MMD2: variants seen among roughly 807,000 people sequenced by gnomAD.
MMD2 encodes the protein monocyte to macrophage differentiation factor 2.
MMD2 carries 30 observed loss-of-function variants against 33.5 expected under a neutral mutation model. The ratio of observed to expected loss-of-function variants is 0.90; its 90% CI spans 0.67 to 1.22. The LOEUF (loss-of-function observed/expected upper bound fraction) is 1.22. Ranked by LOEUF, MMD2 falls within the 50% of genes most tolerant of loss-of-function variation. The pLI, the probability that MMD2 is intolerant of heterozygous loss-of-function variation, is 0.00. For missense variants in MMD2, 364 were observed against 325.4 expected, an observed-to-expected ratio of 1.12 and a Z score of -0.91; for synonymous variants, 129 against 123.0, an observed-to-expected ratio of 1.05 and a Z score of -0.32.
At chr7:4,911,868 G>A (rs1338568931) in intron 4 of MMD2, among the ~76,000 whole-genome samples, 1 of 151,936 alleles carries the variant, frequency 6.6e-6, no homozygotes, top group African/African-American at 2.4e-5. Context: ...AGCTGGTCGC[G>A]AACTCCTGAC....
At chr7:4,921,357 A>C (rs1785279157) in intron 2 of MMD2, among the ~76,000 whole-genome samples, 2 of 152,068 alleles carry the variant, frequency 1.3e-5, no homozygotes, top group Non-Finnish European at 2.9e-5. Context: ...GCGGTGGCTC[A>C]CACCTGTAAT....
chr7:4,943,085 T>C (rs1189435685), intron 1 of MMD2, among the ~76,000 whole-genome samples: 6 of 147,772 alleles, frequency 4.1e-5, no homozygotes, highest in African/African-American at 1.3e-4. Flanking sequence ...TGTCAGCTCA[T>C]TGCAACCTCC....
intron 4 of MMD2, among the ~76,000 whole-genome samples, chr7:4,913,587 G>A (rs944678318): frequency 1.2e-4 from 18 of 151,916 alleles, no homozygotes; most frequent in African/African-American, 3.1e-4. Context: ...GAGTGGTGGC[G>A]GAAGCCTATA....
At chr7:4,904,548 T>C (rs1406584747), downstream of MMD2, among the ~76,000 whole-genome samples, 11 of 152,212 alleles carry the variant, frequency 7.2e-5, no homozygotes, top group Admixed American at 6.5e-4. Context: ...CCATTAGTGA[T>C]TCATTCCTTT....
the MMD2 span, among the ~76,000 whole-genome samples, chr7:4,896,847 T>C: frequency 6.6e-5 from 10 of 152,146 alleles, no homozygotes; most frequent in South Asian, 6.2e-4. Flanking sequence ...TCTTTATTTT[T>C]CTCTATTCTT....
chr7:4,947,691 CCTTT>C (rs1694919211), intron 1 of MMD2, among the ~76,000 whole-genome samples: 1 of 96,256 alleles, frequency 1.0e-5, no homozygotes, highest in Admixed American at 1.3e-4. Flanking sequence ...CTGCACCTGG[CCTTT>C]TTTTTTTTTT....
chr7:4,921,233 T>C (rs1270644852), intron 2 of MMD2, among the ~76,000 whole-genome samples: 1 of 152,062 alleles, frequency 6.6e-6, no homozygotes, highest in Non-Finnish European at 1.5e-5. Context: ...ACCACTGATG[T>C]CCTGACCTCA....
chr7:4,899,416 T>G, the MMD2 span, among the ~76,000 whole-genome samples: 6 of 151,602 alleles, frequency 4.0e-5, no homozygotes, highest in South Asian at 4.2e-4. Flanking sequence ...TGAAACGAAG[T>G]CTTGCTTTGT....
At chr7:4,948,703 C>A (rs1338152563) in intron 1 of MMD2, among the ~76,000 whole-genome samples, 1 of 152,154 alleles carries the variant, frequency 6.6e-6, no homozygotes, top group Non-Finnish European at 1.5e-5. Context: ...AAGAAGTCTG[C>A]CATCTACCAC....
chr7:4,935,599 C>G (rs887043428), intron 1 of MMD2, among the ~76,000 whole-genome samples: 4 of 146,228 alleles, frequency 2.7e-5, no homozygotes, highest in Non-Finnish European at 6.0e-5. Context: ...ATCACTGGAG[C>G]CCAGGGAGGT....
At chr7:4,925,429 A>C (rs2115112603) in intron 2 of MMD2, 22 bp downstream of exon 2, 2 of 1,501,208 alleles carry the variant, frequency 1.3e-6, no homozygotes, top group East Asian at 5.0e-5. Context: ...CTCAGCCCTG[A>C]GCCCCCCAAA....
the MMD2 span, among the ~76,000 whole-genome samples, chr7:4,895,552 T>C: frequency 6.6e-6 from 1 of 151,534 alleles, no homozygotes; most frequent in Non-Finnish European, 1.5e-5. Context: ...CTTTTCTTTT[T>C]TTGAGACGGA....
chr7:4,945,409 C>G (rs1786047505), intron 1 of MMD2, among the ~76,000 whole-genome samples: 1 of 150,850 alleles, frequency 6.6e-6, no homozygotes, highest in South Asian at 2.1e-4. Context: ...GCTGGGACTA[C>G]AGGTGCCCGC....
chr7:4,901,106 C>G (rs1400060671), downstream of MMD2, among the ~76,000 whole-genome samples: 1 of 150,976 alleles, frequency 6.6e-6, no homozygotes, highest in African/African-American at 2.4e-5. Context: ...CACCACTGCA[C>G]TCCAGCCTGG....
At chr7:4,954,736 G>A (rs1786339123) in intron 1 of MMD2, among the ~76,000 whole-genome samples, 1 of 152,130 alleles carries the variant, frequency 6.6e-6, no homozygotes, top group Admixed American at 6.6e-5. Flanking sequence ...AATTTTTAAT[G>A]TAGTCAAGTT....
chr7:4,958,547 C>G (rs1169028191), intron 1 of MMD2, among the ~76,000 whole-genome samples: 1 of 152,148 alleles, frequency 6.6e-6, no homozygotes, highest in African/African-American at 2.4e-5. Context: ...GAGGTGGTAC[C>G]AACGCCTTTT....
At chr7:4,908,934 T>C (rs1374023288) in intron 6 of MMD2, among the ~76,000 whole-genome samples, 3 of 150,230 alleles carry the variant, frequency 2.0e-5, no homozygotes, top group African/African-American at 4.9e-5. Context: ...GACAGAGTTA[T>C]AGTTTGCAGA....
chr7:4,909,989 C>G, intron 5 of MMD2, 39 bp from the exon 6 acceptor site: 16 of 1,613,958 alleles, frequency 9.9e-6, no homozygotes, highest in Non-Finnish European at 1.3e-5. Context: ...TAGGACATGC[C>G]TCCCCACGAA....
At chr7:4,904,622 C>A (rs951081344), downstream of MMD2, among the ~76,000 whole-genome samples, 3 of 152,180 alleles carry the variant, frequency 2.0e-5, no homozygotes, top group Non-Finnish European at 4.4e-5. Context: ...GGAAAGCCAA[C>A]AGAACTAATG....
Sources: allele counts gnomAD v4.1 joint callset (sites outside exome capture counted in the v4.1 genomes callset), GRCh38; gene constraint gnomAD v4.1.1; transcripts MANE v1.5; gene names NCBI Gene and HGNC (gene_info 2026-07-23, HGNC 2026-07-21).